The following NRG1 variants were observed in gnomAD, a reference collection of about 807,000 sequenced individuals.
NRG1 encodes pro-neuregulin-1, membrane-bound isoform.
Under a neutral mutation model 63.8 loss-of-function variants are expected in NRG1, and 18 were observed. That is an observed-to-expected ratio of 0.28 (90% CI 0.19 to 0.42). The LOEUF (loss-of-function observed/expected upper bound fraction) is 0.42. Ranked by LOEUF, NRG1 falls within the 10% of genes least tolerant of loss-of-function variation. The pLI, the probability that NRG1 is intolerant of heterozygous loss-of-function variation, is 1.00. For synonymous variants in NRG1, 302 were observed against 301.3 expected, an observed-to-expected ratio of 1.00 and a Z score of -0.02; for missense variants, 762 against 814.7, an observed-to-expected ratio of 0.94 and a Z score of 0.79.
At chr8:32,397,524 C>CA (rs58798252) in intron 1 of NRG1, among the ~76,000 whole-genome samples, 72,779 of 139,172 alleles carry the variant, frequency 0.52, 18,482 homozygotes, top group African/African-American at 0.56. Context: ...GACTTAACAT[C>CA]AAAAAAAAAA....
At chr8:32,548,256 G>C, upstream of NRG1, 2 of 986,214 alleles carry the variant, frequency 2.0e-6, no homozygotes, top group Non-Finnish European at 2.4e-6. Flanking sequence ...CAACCTGCGG[G>C]CGGGAGGTGG....
chr8:31,874,805 T>C (rs1829777915), intron 1 of NRG1, among the ~76,000 whole-genome samples: 1 of 149,030 alleles, frequency 6.7e-6, no homozygotes, highest in Admixed American at 6.7e-5. Context: ...TTTCCATGTC[T>C]TTTAAAGTGT....
chr8:32,740,956 T>C (rs568506008), intron 6 of NRG1, among the ~76,000 whole-genome samples: 5 of 152,158 alleles, frequency 3.3e-5, no homozygotes, highest in Non-Finnish European at 7.4e-5. Context: ...AGATGAACTA[T>C]TAATAATAAT....
intron 5 of NRG1, among the ~76,000 whole-genome samples, chr8:32,724,746 A>T (rs1490937792): frequency 6.6e-6 from 1 of 152,148 alleles, no homozygotes; most frequent in Non-Finnish European, 1.5e-5. Flanking sequence ...TTGCCTTACA[A>T]TTCGTGATCA....
intron 1 of NRG1, among the ~76,000 whole-genome samples, chr8:32,021,631 A>T (rs1294037512): frequency 2.0e-5 from 3 of 152,162 alleles, no homozygotes; most frequent in Non-Finnish European, 4.4e-5. Flanking sequence ...AAGCTCTACT[A>T]ATGTGTAACC....
intron 1 of NRG1, among the ~76,000 whole-genome samples, chr8:32,255,695 C>G (rs1849621903): frequency 6.6e-6 from 1 of 152,072 alleles, no homozygotes; most frequent in African/African-American, 2.4e-5. Context: ...CTTGGGGTTG[C>G]TCTTCTTGAG....
intron 5 of NRG1, among the ~76,000 whole-genome samples, chr8:32,653,291 C>G (rs1242930889): frequency 1.3e-5 from 2 of 152,192 alleles, no homozygotes; most frequent in East Asian, 3.8e-4. Flanking sequence ...AATCTAATTG[C>G]ATAATGCAAT....
chr8:32,167,584 A>G (rs752097730), intron 1 of NRG1, among the ~76,000 whole-genome samples: 1 of 152,180 alleles, frequency 6.6e-6, no homozygotes, highest in African/African-American at 2.4e-5. Flanking sequence ...TTAAGAGAAA[A>G]CCACAGGGAT....
chr8:31,837,475 C>A (rs187137383), intron 1 of NRG1, among the ~76,000 whole-genome samples: 1 of 152,130 alleles, frequency 6.6e-6, no homozygotes, highest in Non-Finnish European at 1.5e-5. Context: ...ATTAGCATAT[C>A]AATCACCTTA....
chr8:31,724,972 G>A (rs1173138326), intron 1 of NRG1, among the ~76,000 whole-genome samples: 3 of 152,188 alleles, frequency 2.0e-5, no homozygotes, highest in Non-Finnish European at 4.4e-5. Flanking sequence ...TCCATAGATA[G>A]TACATAAACA....
chr8:32,393,251 A>G (rs988342502), intron 1 of NRG1, among the ~76,000 whole-genome samples: 18 of 152,256 alleles, frequency 1.2e-4, no homozygotes, highest in Non-Finnish European at 2.5e-4. Context: ...AGGGAATGAG[A>G]CTTTTGTATA....
chr8:32,594,138 T>C (rs1205823555), intron 1 of NRG1, among the ~76,000 whole-genome samples: 3 of 152,198 alleles, frequency 2.0e-5, no homozygotes, highest in African/African-American at 4.8e-5. Flanking sequence ...AAGGGCAGAA[T>C]CGTAGAAAAA....
intron 11 of NRG1, among the ~76,000 whole-genome samples, chr8:32,762,826 T>C (rs1274090920): frequency 6.6e-6 from 1 of 152,244 alleles, no homozygotes; most frequent in East Asian, 1.9e-4. Context: ...CTTCTTATAC[T>C]GGGGGAAGAA....
chr8:31,766,083 G>A (rs754964929), intron 1 of NRG1, among the ~76,000 whole-genome samples: 6 of 151,770 alleles, frequency 4.0e-5, no homozygotes, highest in African/African-American at 1.2e-4. Context: ...GAGAACATAC[G>A]AAGCCTACAC....
chr8:32,411,060 G>A (rs918374136), intron 1 of NRG1, among the ~76,000 whole-genome samples: 2 of 152,064 alleles, frequency 1.3e-5, no homozygotes, highest in Admixed American at 6.6e-5. Context: ...GTTTGTAGTA[G>A]AGACAGGGTT....
intron 1 of NRG1, among the ~76,000 whole-genome samples, chr8:32,020,586 T>C (rs932010712): frequency 2.0e-5 from 3 of 152,318 alleles, no homozygotes; most frequent in Non-Finnish European, 2.9e-5. Flanking sequence ...ATCATGTTAT[T>C]AATTCTCTAG....
intron 1 of NRG1, among the ~76,000 whole-genome samples, chr8:32,298,961 AG>A (rs1453199776): frequency 7.4e-6 from 1 of 135,232 alleles, no homozygotes; most frequent in Non-Finnish European, 1.5e-5. Context: ...AGGGAGTCAG[AG>A]GTTGCAGTGA....
At chr8:32,336,330 A>G (rs1803261228) in intron 1 of NRG1, among the ~76,000 whole-genome samples, 1 of 152,220 alleles carries the variant, frequency 6.6e-6, no homozygotes. Context: ...TGCGGAAAAC[A>G]GGGCAGCCAT....
chr8:32,415,016 A>T (rs368460668), intron 1 of NRG1, among the ~76,000 whole-genome samples: 6 of 152,168 alleles, frequency 3.9e-5, no homozygotes, highest in African/African-American at 1.4e-4. Context: ...TCAAAGTCAC[A>T]TGTTAATTAG....
Sources: gnomAD v4.1 joint callset for allele counts (sites outside exome capture counted in the v4.1 genomes callset) on GRCh38, gnomAD v4.1.1 for gene constraint, MANE v1.5 for transcripts, NCBI Gene and HGNC (gene_info 2026-07-23, HGNC 2026-07-21) for gene names.